MAU2: variants seen among roughly 807,000 people sequenced by gnomAD.
MAU2 encodes MAU2 chromatid cohesion factor homolog.
MAU2 carries 9 observed loss-of-function variants against 89.1 expected under a neutral mutation model. That is an observed-to-expected ratio of 0.10 (90% CI 0.06 to 0.18). MAU2 has a LOEUF of 0.18. MAU2 is among the 10% of genes least tolerant of loss of function. The pLI, the probability that MAU2 is intolerant of heterozygous loss-of-function variation, is 1.00. For synonymous variants in MAU2, 357 were observed against 343.4 expected (o/e 1.04, Z -0.44); for missense variants, 425 against 803.5 (o/e 0.53, Z 5.69).
rs2061447896 is a variant in MAU2 at position 19,320,992 on chromosome 19, C to T, written c.133C>T (p.Arg45Cys). The T allele has an allele frequency of 1.9e-6, 3 of 1,609,498 alleles. No individual in the cohort carries two copies. The highest frequency in any genetic ancestry group is 2.2e-5 in the East Asian group (1 of 44,626). ...CCGCACTTCCAGCCCGCCCAAAATC[C>T]GCCTGTGCGTGCACTGCCTGCAGGC... ...HFRTSSPPKIRLCVHCLQAVF... is the reference protein window; with the variant it reads ...HFRTSSPPKICLCVHCLQAVF... Residue 45 changes from arginine to cysteine, a missense_variant, in exon 1 of 19, where the codon CGC becomes TGC. By Grantham distance (180) the Arg-to-Cys change is radical (BLOSUM62 -3). Around this residue, in one of 11 missense-constraint regions of MAU2, gnomAD observed 57 missense variants for 57.5 expected, o/e 0.99. Transcript: ENST00000262815.
In MAU2 at chr19:19,356,265, G is replaced by A. The variant is rs745755859; in HGVS notation, c.*483G>A. The A allele has an allele frequency of 2.0e-5, 7 of 353,934 alleles. No homozygotes were observed. Among genetic ancestry groups the A allele is most frequent in the Non-Finnish European group, 3.9e-5 (7 of 178,132 alleles). The allele number at this position is 353,934 out of a possible 1,614,324, so 21.9% of individuals were successfully genotyped here. On this transcript the variant is annotated 3_prime_UTR_variant, in exon 19 of 19. Transcript: ENST00000262815. ...GTTTCTGGCCTGAATTTGGAGGGAA[G>A]AAGTAATGGCGCTAGTGTGGGACGA... is the stretch of plus-strand genomic sequence containing the variant.
intron 1 of MAU2, chr19:19,329,176 T>C (rs2061535084): frequency 2.2e-6 from 1 of 454,020 alleles, no homozygotes; most frequent in Admixed American, 2.4e-5. Context: ...AGTTCTTTCA[T>C]TCTTCAGGAT....
At chr19:19,323,673 AT>A in intron 1 of MAU2, among the ~76,000 whole-genome samples, 1 of 151,628 alleles carries the variant, frequency 6.6e-6, no homozygotes, top group East Asian at 1.9e-4. Context: ...CACCCAGCTA[AT>A]TTTTGTGTTT....
At chr19:19,349,061 G>A (rs1246727678) in intron 14 of MAU2, 94 bp from the exon 15 acceptor site, 2 of 1,563,826 alleles carry the variant, frequency 1.3e-6, no homozygotes, top group Admixed American at 1.7e-5. Context: ...TCTGCAGTGG[G>A]GGCTCTCAGA....
At chr19:19,340,523 C>T (rs527618318) in intron 5 of MAU2, among the ~76,000 whole-genome samples, 7 of 151,776 alleles carry the variant, frequency 4.6e-5, no homozygotes, top group Non-Finnish European at 7.4e-5. Flanking sequence ...CCTGTAGTCC[C>T]AGCTACTCAG....
Position 19,358,526 on chromosome 19 carries a change from G to A in MAU2, c.*2744G>A, listed in dbSNP as rs934070572. 3.9e-5 allele frequency: 6 copies of A among 152,154 alleles called. No homozygotes were observed. Among genetic ancestry groups the A allele is most frequent in the East Asian group, 1.9e-4 (1 of 5,198 alleles). The allele number at this position is 152,154 out of a possible 1,614,324, so 9.4% of individuals were successfully genotyped here. On this transcript the variant is annotated 3_prime_UTR_variant, in exon 19 of 19. Transcript: ENST00000262815. Reference sequence around the variant, plus strand: ...TGGTTGCGTTGTCAGTTGTCTCTTCGTTTTGTTAAGGTTTTTAATAAGTAC... The same window carrying A: ...TGGTTGCGTTGTCAGTTGTCTCTTCATTTTGTTAAGGTTTTTAATAAGTAC...
rs143762739 is a variant in MAU2 at position 19,331,946 on chromosome 19, A to G, written c.277-3772A>G. 3.2e-3 allele frequency among the ~76,000 whole-genome samples: 494 copies of G among 152,328 alleles called. 4 individuals carry two copies. Among genetic ancestry groups the G allele is most frequent in the African/African-American group, 0.011 (453 of 41,576 alleles). ...AGCAGTGGCATTTAAAGACAGGGAG[A>G]AATCCCATGCCATTTAGGGCTTTGT... On this transcript the variant is annotated intron_variant, in intron 1 of 18. Transcript: ENST00000262815.
At chr19:19,330,219 G>A (rs1034941551) in intron 1 of MAU2, among the ~76,000 whole-genome samples, 1 of 151,726 alleles carries the variant, frequency 6.6e-6, no homozygotes, top group Non-Finnish European at 1.5e-5. Flanking sequence ...AGCTCAAGCA[G>A]TCCACCTGTC....
At chr19:19,344,360 C>T (rs1396792583) in intron 10 of MAU2, 3 of 230,384 alleles carry the variant, frequency 1.3e-5, no homozygotes, top group Admixed American at 1.0e-4. Flanking sequence ...TGCAGTGAGC[C>T]GAGATCGCAC....
chr19:19,339,312 T>C (rs940156193), intron 5 of MAU2, among the ~76,000 whole-genome samples: 1 of 151,892 alleles, frequency 6.6e-6, no homozygotes, highest in Non-Finnish European at 1.5e-5. Flanking sequence ...CTGGGCGTGG[T>C]GGTGGGTACC....
intron 1 of MAU2, 77 bp downstream of exon 1, chr19:19,321,212 G>T (rs539886810): frequency 7.1e-7 from 1 of 1,403,428 alleles, no homozygotes; most frequent in Admixed American, 2.9e-5. Context: ...CGACCGCGGC[G>T]GGTGGGGGGC....
intron 1 of MAU2, among the ~76,000 whole-genome samples, chr19:19,323,971 GT>G (rs1202948905): frequency 6.6e-6 from 1 of 152,114 alleles, no homozygotes; most frequent in Admixed American, 6.5e-5. Flanking sequence ...TTTTGGTGAA[GT>G]TTTTTTTCCT....
intron 4 of MAU2, among the ~76,000 whole-genome samples, chr19:19,338,025 C>T (rs941829688): frequency 6.6e-6 from 1 of 152,242 alleles, no homozygotes; most frequent in African/African-American, 2.4e-5. Flanking sequence ...CTTCCATGAC[C>T]CAGCCTGCCT....
At chr19:19,321,824 G>A (rs1475371838) in intron 1 of MAU2, 3 of 152,024 alleles carry the variant, frequency 2.0e-5, no homozygotes, top group African/African-American at 4.8e-5. Context: ...TTCAGTATTA[G>A]GGGAACTAAA....
intron 16 of MAU2, chr19:19,352,911 C>T (rs1212744521): frequency 6.6e-6 from 1 of 152,328 alleles, no homozygotes; most frequent in African/African-American, 2.4e-5. Flanking sequence ...CAGCCAGACA[C>T]AGCCAAGCCA....
intron 2 of MAU2, among the ~76,000 whole-genome samples, 187 bp downstream of exon 2, chr19:19,335,922 C>T (rs1194858835): frequency 6.6e-6 from 1 of 152,178 alleles, no homozygotes; most frequent in Non-Finnish European, 1.5e-5. Flanking sequence ...TTGTGCTTCT[C>T]TTCGTACCTT....
intron 1 of MAU2, among the ~76,000 whole-genome samples, chr19:19,329,302 A>C (rs906241537): frequency 1.3e-5 from 2 of 151,814 alleles, no homozygotes; most frequent in Non-Finnish European, 2.9e-5. Flanking sequence ...TTTTGTTTCT[A>C]TTTCCTTCCC....
At position 19,358,666 on chromosome 19, in the gene MAU2, T is replaced by G. The variant is rs1392996824; in HGVS notation, c.*2884T>G. 1 of 152,240 alleles carries G rather than the reference T, an allele frequency of 6.6e-6. No homozygotes were observed. Among genetic ancestry groups the G allele is most frequent in the Non-Finnish European group, 1.5e-5 (1 of 68,034 alleles). 9.4% of individuals were successfully genotyped at this position (152,240 alleles called of 1,614,324 possible). On this transcript the variant is annotated 3_prime_UTR_variant, in exon 19 of 19. Transcript: ENST00000262815. ...AAAAACAATTTGTAAATACAGAACATTGTTTAAAAGACATAACCATAGAAC... is the reference window on the plus strand; with the variant it reads ...AAAAACAATTTGTAAATACAGAACAGTGTTTAAAAGACATAACCATAGAAC...
At chr19:19,334,135 T>G in intron 1 of MAU2, 2 of 982,590 alleles carry the variant, frequency 2.0e-6, no homozygotes, top group Non-Finnish European at 2.4e-6. Flanking sequence ...CTTCTGCTCT[T>G]CTGTTGCATC....
Sources: gnomAD v4.1 joint callset for allele counts (sites outside exome capture counted in the v4.1 genomes callset) on GRCh38, gnomAD v4.1.1 for gene constraint, gnomAD v4.1.1 regional missense constraint, MANE v1.5 for transcripts, NCBI Gene and HGNC (gene_info 2026-07-23, HGNC 2026-07-21) for gene names.